Variants in NRCAM observed in about 807,000 individuals in gnomAD.
NRCAM encodes the protein NgCAM-related cell adhesion molecule.
NRCAM carries 83 observed loss-of-function variants against 156.5 expected under a neutral mutation model. That is an observed-to-expected ratio of 0.53 (90% CI 0.44 to 0.64). NRCAM has a LOEUF of 0.64. NRCAM is among the 30% of genes least tolerant of loss of function. NRCAM has a pLI of 0.00. For missense variants in NRCAM, 1,417 were observed against 1,597.3 expected (o/e 0.89, Z 1.92); for synonymous variants, 538 against 563.9 (o/e 0.95, Z 0.65).
At chr7:108,243,406 C>T (rs947950757) in intron 3 of NRCAM, among the ~76,000 whole-genome samples, 1 of 152,134 alleles carries the variant, frequency 6.6e-6, no homozygotes, top group Non-Finnish European at 1.5e-5. Context: ...GAAAAACCAC[C>T]GCTTTGCACT....
At chr7:108,160,758 G>A (rs2048439337) in intron 30 of NRCAM, among the ~76,000 whole-genome samples, 1 of 152,168 alleles carries the variant, frequency 6.6e-6, no homozygotes, top group Non-Finnish European at 1.5e-5. Flanking sequence ...TGTGTTCACA[G>A]TTATTTTCAC....
chr7:108,215,276 G>A (rs1439741425), intron 11 of NRCAM, among the ~76,000 whole-genome samples: 62 of 147,468 alleles, frequency 4.2e-4, no homozygotes, highest in African/African-American at 1.3e-3. Flanking sequence ...GCAGTGGTGC[G>A]ATCTCGGCTC....
At chr7:108,347,032 G>GTTTTTTTTTTTTTT (rs754160030) in intron 2 of NRCAM, among the ~76,000 whole-genome samples, 1 of 83,044 alleles carries the variant, frequency 1.2e-5, no homozygotes, top group Admixed American at 2.0e-4. Flanking sequence ...TTATATTTCT[G>GTTTTTTTTTTTTTT]TTTTTTTTTT....
At chr7:108,261,309 G>C (rs1181101197) in intron 3 of NRCAM, among the ~76,000 whole-genome samples, 2 of 152,166 alleles carry the variant, frequency 1.3e-5, no homozygotes, top group Non-Finnish European at 2.9e-5. Context: ...TGAAGCCCAA[G>C]CACTGCTCTC....
chr7:108,402,989 T>A (rs2099797354), intron 1 of NRCAM, among the ~76,000 whole-genome samples: 1 of 152,172 alleles, frequency 6.6e-6, no homozygotes, highest in African/African-American at 2.4e-5. Context: ...CCTTGAGTCA[T>A]CTCAAACCGA....
At chr7:108,182,643 C>T (rs900858332) in intron 23 of NRCAM, 52 bp downstream of exon 23, 17 of 1,548,700 alleles carry the variant, frequency 1.1e-5, no homozygotes, top group African/African-American at 2.7e-5. Flanking sequence ...CCTTGGCTTG[C>T]ACCTTGGTAA....
At position 108,225,633 on chromosome 7, in the gene NRCAM, AC is replaced by A; in HGVS notation, c.778+11del. The A allele has an allele frequency of 6.5e-7, 1 of 1,527,572 alleles. No homozygotes were observed. The highest frequency in any genetic ancestry group is 9.1e-7 in the Non-Finnish European group (1 of 1,101,542). The allele number at this position is 1,527,572 out of a possible 1,614,324, so 94.6% of individuals were successfully genotyped here. A position where few individuals can be genotyped will look rare whatever the true frequency, so the allele number is the denominator to read the frequency against. Reference sequence around the variant, plus strand: ...GAAGGAGAGAATATCAGTTACAATCACCATAACTCACCACCATAAAACTCAG... The same window carrying A: ...GAAGGAGAGAATATCAGTTACAATCACATAACTCACCACCATAAAACTCAG... On this transcript the variant is annotated intron_variant, in intron 10 of 32. Transcript: ENST00000379028.
At chr7:108,273,150 A>G (rs1486282418) in intron 3 of NRCAM, among the ~76,000 whole-genome samples, 1 of 152,096 alleles carries the variant, frequency 6.6e-6, no homozygotes, top group Non-Finnish European at 1.5e-5. Flanking sequence ...TCTATTATTG[A>G]TGGGCATTTG....
intron 13 of NRCAM, 77 bp downstream of exon 13, chr7:108,207,451 A>T: frequency 7.0e-7 from 1 of 1,434,122 alleles, no homozygotes; most frequent in Non-Finnish European, 9.4e-7. Context: ...TTATTTTTTT[A>T]TCACCATTTA....
chr7:108,334,880 A>G (rs2099163263), intron 2 of NRCAM, among the ~76,000 whole-genome samples: 1 of 152,244 alleles, frequency 6.6e-6, no homozygotes, highest in Non-Finnish European at 1.5e-5. Context: ...ATAAGATGAG[A>G]AATGAGAACT....
At chr7:108,418,391 G>A (rs544821854) in intron 1 of NRCAM, among the ~76,000 whole-genome samples, 2 of 152,212 alleles carry the variant, frequency 1.3e-5, no homozygotes, top group African/African-American at 2.4e-5. Context: ...CACCAATCAC[G>A]GCTAGGATCT....
At chr7:108,300,950 T>C (rs1029113619) in intron 3 of NRCAM, among the ~76,000 whole-genome samples, 3 of 152,276 alleles carry the variant, frequency 2.0e-5, no homozygotes, top group East Asian at 1.9e-4. Context: ...TTACATTTCA[T>C]TGAATCAAAT....
intron 1 of NRCAM, among the ~76,000 whole-genome samples, chr7:108,422,579 T>C (rs1225233324): frequency 6.6e-6 from 1 of 152,150 alleles, no homozygotes; most frequent in Non-Finnish European, 1.5e-5. Context: ...AAGATACAGG[T>C]CATCCTTTAC....
At chr7:108,379,353 G>A (rs1415062820) in intron 2 of NRCAM, among the ~76,000 whole-genome samples, 1 of 152,102 alleles carries the variant, frequency 6.6e-6, no homozygotes, top group Non-Finnish European at 1.5e-5. Context: ...GATAAGCCTC[G>A]ACTTTGCTAA....
chr7:108,419,976 T>C (rs974178333), intron 1 of NRCAM, among the ~76,000 whole-genome samples: 1 of 152,272 alleles, frequency 6.6e-6, no homozygotes, highest in Non-Finnish European at 1.5e-5. Flanking sequence ...AGTCATCTTC[T>C]AGTTATTTGG....
At chr7:108,299,901 T>C (rs2098553839) in intron 3 of NRCAM, among the ~76,000 whole-genome samples, 1 of 152,192 alleles carries the variant, frequency 6.6e-6, no homozygotes, top group Non-Finnish European at 1.5e-5. Flanking sequence ...TCTGTGTCCC[T>C]GAGTGATGTA....
At chr7:108,288,724 T>G (rs768195702) in intron 3 of NRCAM, among the ~76,000 whole-genome samples, 16 of 151,968 alleles carry the variant, frequency 1.1e-4, no homozygotes, top group Non-Finnish European at 2.4e-4. Context: ...GGCGGGAGAG[T>G]TCTCCATTAG....
At chr7:108,445,591 C>T (rs1359457824) in intron 1 of NRCAM, among the ~76,000 whole-genome samples, 3 of 152,168 alleles carry the variant, frequency 2.0e-5, no homozygotes, top group African/African-American at 7.2e-5. Context: ...GTTACAGTCA[C>T]ATACCCCTGT....
At chr7:108,379,651 GGATAA>G (rs926660477) in intron 2 of NRCAM, among the ~76,000 whole-genome samples, 8 of 151,542 alleles carry the variant, frequency 5.3e-5, no homozygotes, top group African/African-American at 1.9e-4. Context: ...TAATCACAAA[GGATAA>G]GATGTCACAA....
Sources: gnomAD v4.1 joint callset for allele counts (sites outside exome capture counted in the v4.1 genomes callset) on GRCh38, gnomAD v4.1.1 for gene constraint, MANE v1.5 for transcripts, NCBI Gene and HGNC (gene_info 2026-07-23, HGNC 2026-07-21) for gene names.